IHO1: variants seen among roughly 807,000 people sequenced by gnomAD.
The protein encoded by IHO1 is interactor of HORMAD1 1.
In IHO1, 13 loss-of-function variants were observed where a neutral mutation model predicts 31.0. The ratio of observed to expected loss-of-function variants is 0.42; its 90% CI spans 0.27 to 0.67. IHO1 has a LOEUF of 0.67. Ranked by LOEUF, IHO1 falls within the 30% of genes least tolerant of loss-of-function variation. IHO1 has a pLI of 0.24. For synonymous variants in IHO1, 221 were observed against 248.4 expected, an observed-to-expected ratio of 0.89 and a Z score of 1.04; for missense variants, 599 against 687.5, an observed-to-expected ratio of 0.87 and a Z score of 1.44.
rs2046831930 is a variant in IHO1, at chr3:49,256,829, G to T, written c.1332G>T (p.Gln444His). The T allele has an allele frequency of 6.2e-7, 1 of 1,614,220 alleles. No individual in the cohort carries two copies. The highest frequency in any genetic ancestry group is 1.3e-5 in the African/African-American group (1 of 75,062). The part of the protein sequence containing the change: ...VEMRGKDKKQ[Q>H]PRKAHRAHRG... ...TGCGGGGGAAAGACAAGAAGCAGCA[G>T]CCCAGGAAGGCCCACAGGGCCCACA... The change falls in exon 8 of 8, where the codon CAG becomes CAT. Residue 444 changes from glutamine to histidine, a missense_variant. Transcript: ENST00000452691. The surrounding 1 kb of genome is among the most constrained non-coding windows in gnomAD (Gnocchi z 4.6).
upstream of IHO1, among the ~76,000 whole-genome samples, chr3:49,194,319 T>TATATATATATA (rs1559432334): frequency 2.1e-5 from 3 of 141,382 alleles, no homozygotes; most frequent in African/African-American, 7.8e-5. Context: ...TATATATATA[T>TATATATATATA]TTGAGACGGA....
intron 2 of IHO1, among the ~76,000 whole-genome samples, chr3:49,212,236 G>A (rs1311799689): frequency 6.6e-6 from 1 of 151,142 alleles, no homozygotes; most frequent in Non-Finnish European, 1.5e-5. Context: ...GTCAGGCATG[G>A]TAGCTCACGC....
At chr3:49,197,571 C>G (rs1436297064), upstream of IHO1, among the ~76,000 whole-genome samples, 2 of 152,064 alleles carry the variant, frequency 1.3e-5, no homozygotes, top group African/African-American at 4.8e-5. Context: ...CTCTGAAACA[C>G]TGCCATCAAG....
At chr3:49,206,422 G>C (rs959196205) in intron 1 of IHO1, among the ~76,000 whole-genome samples, 1 of 151,040 alleles carries the variant, frequency 6.6e-6, no homozygotes, top group Non-Finnish European at 1.5e-5. Context: ...TAGAGATGGG[G>C]TTTCACCATG....
chr3:49,208,140 A>G (rs369343507), intron 1 of IHO1, among the ~76,000 whole-genome samples: 1 of 152,234 alleles, frequency 6.6e-6, no homozygotes, highest in African/African-American at 2.4e-5. Context: ...TAAGGGAAAC[A>G]TGCTTTTCTG....
At chr3:49,248,103 C>T (rs1396053955) in intron 6 of IHO1, among the ~76,000 whole-genome samples, 7 of 130,716 alleles carry the variant, frequency 5.4e-5, no homozygotes, top group Admixed American at 3.7e-4. Flanking sequence ...CCAGCCTGGA[C>T]GATAGAGTGA....
In IHO1 at chr3:49,199,508, C is replaced by G. The variant is rs1331730363; in HGVS notation, c.-81C>G. 2.1e-5 allele frequency: 3 copies of G among 144,402 alleles called. No individual in the cohort carries two copies. The highest frequency in any genetic ancestry group is 3.0e-5 in the Non-Finnish European group (2 of 65,928). The allele number at this position is 144,402 out of a possible 1,614,324, so 8.9% of individuals were successfully genotyped here. Reference sequence around the variant, plus strand: ...GCCGCGCGTGCCGTTGCAGAGGCAGCGGGACGCGGCCACCTCGAAGCCACG... The same window carrying G: ...GCCGCGCGTGCCGTTGCAGAGGCAGGGGGACGCGGCCACCTCGAAGCCACG... On this transcript the variant is annotated 5_prime_UTR_variant, in exon 1 of 8. Transcript: ENST00000452691.
chr3:49,225,653 G>A (rs2046408830), intron 2 of IHO1, among the ~76,000 whole-genome samples: 1 of 152,162 alleles, frequency 6.6e-6, no homozygotes. Context: ...CCTAATAAGG[G>A]TGTGGGACTT....
At chr3:49,234,174 T>TTG (rs1471856041) in intron 2 of IHO1, among the ~76,000 whole-genome samples, 2 of 147,006 alleles carry the variant, frequency 1.4e-5, no homozygotes, top group Non-Finnish European at 3.0e-5. Context: ...TTTTTTTTTT[T>TTG]TTTTTTTTTT....
chr3:49,226,965 T>C (rs558600052), intron 2 of IHO1, among the ~76,000 whole-genome samples: 1 of 152,240 alleles, frequency 6.6e-6, no homozygotes, highest in South Asian at 2.1e-4. Flanking sequence ...TTTGGAGATT[T>C]CTTTGCTTGT....
chr3:49,211,888 C>A, intron 2 of IHO1, 52 bp downstream of exon 2: 2 of 1,043,786 alleles, frequency 1.9e-6, no homozygotes, highest in Non-Finnish European at 3.0e-6. Flanking sequence ...TCTGGCCGGG[C>A]ATGATGGCTC....
intron 1 of IHO1, among the ~76,000 whole-genome samples, chr3:49,202,577 C>G (rs1479943161): frequency 6.7e-6 from 1 of 149,704 alleles, no homozygotes; most frequent in African/African-American, 2.5e-5. Context: ...GGGGTTTCAC[C>G]GTGTTAGCCA....
the IHO1 span, chr3:49,191,891 T>C: frequency 2.3e-6 from 2 of 868,778 alleles, no homozygotes. Context: ...AGGTTGTGAC[T>C]GCACAATGCT....
intron 1 of IHO1, among the ~76,000 whole-genome samples, chr3:49,209,365 T>C (rs911717968): frequency 2.0e-5 from 3 of 152,132 alleles, no homozygotes; most frequent in African/African-American, 7.2e-5. Context: ...CTGGGCACAG[T>C]GGCTTACGCC....
In IHO1 at chr3:49,256,249, C is replaced by T. The variant is rs377765889; in HGVS notation, c.752C>T (p.Pro251Leu). 1.7e-5 allele frequency: 27 copies of T among 1,614,026 alleles called. No homozygotes were observed. The African/African-American group carries it at 2.4e-4, about 14-fold the overall frequency. Residue 251 changes from proline to leucine, a missense_variant, in exon 8 of 8, where the codon CCC becomes CTC. Transcript: ENST00000452691. This position sits in a 1 kb window ranked among gnomAD's most constrained non-coding sequence, Gnocchi z 4.6. ...GAGCAGCTAGGCCAGCTGAATGTGC[C>T]CAGTGTCCTAGCAGAGCTGAAGAGA... ...LCEQLGQLNV[P>L]SVLAELKRLI...
intron 2 of IHO1, among the ~76,000 whole-genome samples, chr3:49,223,686 G>A (rs1180293040): frequency 2.7e-5 from 4 of 150,878 alleles, no homozygotes; most frequent in South Asian, 2.1e-4. Flanking sequence ...GTGAGACTCC[G>A]TCTCAAAAAA....
rs1352228125 is a variant in IHO1 at position 49,244,726 on chromosome 3, C to G, written c.525C>G (p.Ala175=). The G allele has an allele frequency of 6.2e-7, 1 of 1,613,842 alleles. No homozygotes were observed. Among genetic ancestry groups the G allele is most frequent in the South Asian group, 1.1e-5 (1 of 91,072 alleles). ...QSILDSLETV[A]KTLQETIQAQ... is the part of the protein sequence containing the mutation. Reference sequence around the variant, plus strand: ...TTTTGGATTCTTTGGAGACTGTGGCCAAGACATGTGAGTGCCTCATGTTTG... The same window carrying G: ...TTTTGGATTCTTTGGAGACTGTGGCGAAGACATGTGAGTGCCTCATGTTTG... Residue 175 remains alanine, a synonymous_variant, in exon 6 of 8, where the codon GCC becomes GCG. Coordinates refer to ENST00000452691, the MANE Select transcript of IHO1 (RefSeq NM_001135197.2).
rs2046810772 is a variant in IHO1 at position 49,255,438 on chromosome 3, A to T, written c.581A>T (p.Gln194Leu). ...AQNDLVFEAV[Q>L]DKGNMEQAIL... ...AATGACCTGGTGTTTGAGGCAGTCC[A>T]GGACAAAGGCAACATGGAGCAGGCC... Residue 194 changes from glutamine to leucine, a missense_variant, in exon 7 of 8, where the codon CAG becomes CTG. By Grantham distance (113) the Gln-to-Leu change is moderately radical. Coordinates refer to ENST00000452691, the MANE Select transcript of IHO1 (RefSeq NM_001135197.2). 1.9e-6 allele frequency: 3 copies of T among 1,606,702 alleles called. No individual in the cohort carries two copies. In the African/African-American group the frequency reaches 4.0e-5, roughly 22 times the overall value.
At chr3:49,202,498 TGTGTGTGTGTGTGTGTGTG>T (rs2107678035) in intron 1 of IHO1, among the ~76,000 whole-genome samples, 1 of 4,200 alleles carries the variant, frequency 2.4e-4, no homozygotes, top group Admixed American at 3.8e-3. Context: ...GCTAATTTTG[TGTGTGTGTGTGTGTGTGTG>T]TGTGTGTGTG....
Sources: gnomAD v4.1 joint callset for allele counts (sites outside exome capture counted in the v4.1 genomes callset) on GRCh38, gnomAD v4.1.1 for gene constraint, Gnocchi (gnomAD v3.1) non-coding constraint, MANE v1.5 for transcripts, NCBI Gene and HGNC (gene_info 2026-07-23, HGNC 2026-07-21) for gene names.